NCKAP5: variants seen among roughly 807,000 people sequenced by gnomAD.
The protein encoded by NCKAP5 is NCK associated protein 5.
A neutral mutation model predicts 167.0 loss-of-function variants in NCKAP5; 92 were observed. That is an observed-to-expected ratio of 0.55 (90% CI 0.47 to 0.66). NCKAP5 has a LOEUF of 0.66. Among genes scored for constraint, NCKAP5 ranks in the 30% least tolerant of loss-of-function variants. NCKAP5 has a pLI of 0.00. For missense variants in NCKAP5, 2,378 were observed against 2,315.0 expected (o/e 1.03, Z -0.56); for synonymous variants, 891 against 877.4 (o/e 1.02, Z -0.27).
chr2:133,514,970 C>T (rs1683859125), intron 3 of NCKAP5, among the ~76,000 whole-genome samples: 1 of 152,010 alleles, frequency 6.6e-6, no homozygotes, highest in African/African-American at 2.4e-5. Context: ...GAAAACTGTA[C>T]TGTAATGCCA....
the NCKAP5 span, among the ~76,000 whole-genome samples, chr2:133,604,757 C>T: frequency 3.3e-5 from 5 of 152,296 alleles, no homozygotes; most frequent in East Asian, 9.7e-4. Flanking sequence ...TGTGGGCATT[C>T]AGTAGTCAGT....
intron 3 of NCKAP5, among the ~76,000 whole-genome samples, chr2:133,323,433 C>T (rs1445918646): frequency 2.0e-5 from 3 of 152,184 alleles, no homozygotes; most frequent in African/African-American, 4.8e-5. Flanking sequence ...TCCTCCTCAT[C>T]CTTTGTTGGA....
chr2:133,084,956 C>T (rs1329531317), intron 6 of NCKAP5, among the ~76,000 whole-genome samples: 3 of 152,080 alleles, frequency 2.0e-5, no homozygotes, highest in Non-Finnish European at 2.9e-5. Context: ...TATTAAAGGG[C>T]CTGATGTTTA....
At chr2:132,861,628 C>T (rs993750162) in intron 10 of NCKAP5, among the ~76,000 whole-genome samples, 9 of 152,076 alleles carry the variant, frequency 5.9e-5, no homozygotes, top group South Asian at 2.1e-4. Flanking sequence ...CCTTCTTATC[C>T]ACCTTCTTCT....
intron 4 of NCKAP5, among the ~76,000 whole-genome samples, chr2:133,245,797 T>C (rs2087949270): frequency 6.6e-6 from 1 of 151,782 alleles, no homozygotes; most frequent in South Asian, 2.1e-4. Context: ...GGCCAATATT[T>C]TAGGAGTGAT....
chr2:133,548,009 T>A (rs984466631), intron 2 of NCKAP5, among the ~76,000 whole-genome samples: 1 of 146,628 alleles, frequency 6.8e-6, no homozygotes, highest in Non-Finnish European at 1.5e-5. Context: ...ATGACTAGAA[T>A]AACCAATACA....
intron 8 of NCKAP5, among the ~76,000 whole-genome samples, chr2:132,916,790 T>C (rs960499326): frequency 1.3e-5 from 2 of 151,874 alleles, no homozygotes; most frequent in African/African-American, 4.8e-5. Flanking sequence ...CAAATGATGA[T>C]TTTCTCAAGG....
intron 6 of NCKAP5, among the ~76,000 whole-genome samples, chr2:132,998,024 C>A (rs893559071): frequency 1.3e-5 from 2 of 152,280 alleles, no homozygotes; most frequent in Non-Finnish European, 2.9e-5. Context: ...GGCCTGGTAT[C>A]CTGGTTTTCT....
intron 3 of NCKAP5, among the ~76,000 whole-genome samples, chr2:133,383,912 G>GT (rs1035153399): frequency 6.6e-6 from 1 of 152,004 alleles, no homozygotes; most frequent in Non-Finnish European, 1.5e-5. Context: ...TGATGGGGTT[G>GT]TTTTTTTCTT....
intron 6 of NCKAP5, among the ~76,000 whole-genome samples, chr2:133,077,009 C>G (rs1293241447): frequency 6.6e-6 from 1 of 152,040 alleles, no homozygotes; most frequent in Non-Finnish European, 1.5e-5. Context: ...ACTGGGTAGG[C>G]AAATGATAGT....
intron 3 of NCKAP5, among the ~76,000 whole-genome samples, chr2:133,429,071 G>A (rs1196757146): frequency 1.3e-5 from 2 of 152,084 alleles, no homozygotes; most frequent in East Asian, 1.9e-4. Flanking sequence ...TCTGCGGGAC[G>A]GTTATAACAG....
At chr2:133,498,718 A>G (rs1425301966) in intron 3 of NCKAP5, among the ~76,000 whole-genome samples, 2 of 152,334 alleles carry the variant, frequency 1.3e-5, no homozygotes, top group South Asian at 2.1e-4. Context: ...GAGTAAACAC[A>G]GCAAAGACAT....
chr2:133,020,847 C>A (rs1337791972), intron 6 of NCKAP5, among the ~76,000 whole-genome samples: 3 of 152,074 alleles, frequency 2.0e-5, no homozygotes, highest in Non-Finnish European at 2.9e-5. Context: ...GAAGCAATCA[C>A]CAAACGGACA....
chr2:132,787,494 T>C (rs970648596), intron 13 of NCKAP5, among the ~76,000 whole-genome samples: 8 of 152,176 alleles, frequency 5.3e-5, no homozygotes, highest in Admixed American at 3.9e-4. Flanking sequence ...TTGAAAAACA[T>C]GTCAGAAACT....
intron 5 of NCKAP5, among the ~76,000 whole-genome samples, chr2:133,179,231 G>GT (rs2084624786): frequency 2.0e-5 from 3 of 149,212 alleles, no homozygotes; most frequent in East Asian, 1.9e-4. Context: ...TTTCAGATTT[G>GT]GTTTTTTTTT....
intron 3 of NCKAP5, among the ~76,000 whole-genome samples, chr2:133,324,573 T>C (rs1682295949): frequency 6.6e-6 from 1 of 152,166 alleles, no homozygotes; most frequent in African/African-American, 2.4e-5. Context: ...TCCCAGAATT[T>C]CCTCTAAAGT....
At chr2:133,652,983 C>T in the NCKAP5 span, among the ~76,000 whole-genome samples, 6 of 152,238 alleles carry the variant, frequency 3.9e-5, no homozygotes, top group Admixed American at 6.5e-5. Flanking sequence ...CAGATGAACA[C>T]GAAATTAATG....
At chr2:132,678,127 T>C (rs1245454911) in intron 19 of NCKAP5, among the ~76,000 whole-genome samples, 1 of 152,132 alleles carries the variant, frequency 6.6e-6, no homozygotes, top group East Asian at 1.9e-4. Context: ...GTGGAAAATA[T>C]GTACGGTGAT....
At chr2:132,733,757 C>T (rs983366679) in intron 16 of NCKAP5, among the ~76,000 whole-genome samples, 2 of 152,140 alleles carry the variant, frequency 1.3e-5, no homozygotes, top group African/African-American at 2.4e-5. Context: ...TCCTCAAAAC[C>T]TCTTTGCTGA....
Sources: gnomAD v4.1 joint callset for allele counts (sites outside exome capture counted in the v4.1 genomes callset) on GRCh38, gnomAD v4.1.1 for gene constraint, MANE v1.5 for transcripts, NCBI Gene and HGNC (gene_info 2026-07-23, HGNC 2026-07-21) for gene names.